The following IL1RAPL1 variants were observed in gnomAD, a reference collection of about 807,000 sequenced individuals.
IL1RAPL1 encodes interleukin 1 receptor accessory protein like 1.
In IL1RAPL1, 3 loss-of-function variants were observed where a neutral mutation model predicts 48.4. That is an observed-to-expected ratio of 0.06 (90% CI 0.03 to 0.16). IL1RAPL1 has a LOEUF of 0.16. Among genes scored for constraint, IL1RAPL1 ranks in the 10% least tolerant of loss-of-function variants. IL1RAPL1 has a pLI of 1.00. For synonymous variants in IL1RAPL1, 185 were observed against 187.7 expected, an observed-to-expected ratio of 0.99 and a Z score of 0.12; for missense variants, 349 against 530.6, an observed-to-expected ratio of 0.66 and a Z score of 3.36.
intron 7 of IL1RAPL1, among the ~76,000 whole-genome samples, chrX:29,918,460 G>A (rs1427032728): frequency 2.1e-5 from 2 of 94,091 alleles, no homozygotes; most frequent in Non-Finnish European, 2.1e-5. Flanking sequence ...AGCCGAGATC[G>A]CACCATTGCA....
At chrX:29,625,170 A>G (rs1244284706) in intron 5 of IL1RAPL1, among the ~76,000 whole-genome samples, 1 of 111,992 alleles carries the variant, frequency 8.9e-6, no homozygotes, top group Non-Finnish European at 1.9e-5. Context: ...GCCCTAATAA[A>G]TTCATTGACT....
intron 2 of IL1RAPL1, among the ~76,000 whole-genome samples, chrX:28,790,407 A>G (rs1936522811): frequency 8.9e-6 from 1 of 112,825 alleles, no homozygotes; most frequent in Admixed American, 9.4e-5. Context: ...CCATGAGGTT[A>G]AAAGGCTTCA....
At chrX:28,750,190 A>G (rs1266577645) in intron 1 of IL1RAPL1, among the ~76,000 whole-genome samples, 1 of 111,209 alleles carries the variant, frequency 9.0e-6, no homozygotes, top group Non-Finnish European at 1.9e-5. Context: ...ACCTCAAGTG[A>G]TCCATCTGCC....
chrX:28,874,581 CAT>C (rs1373423680), intron 2 of IL1RAPL1, among the ~76,000 whole-genome samples: 1 of 111,953 alleles, frequency 8.9e-6, no homozygotes, highest in African/African-American at 3.2e-5. Context: ...ATGTGAGAAC[CAT>C]ATGTTTGGTG....
chrX:28,641,720 T>C (rs1211016106), intron 1 of IL1RAPL1, among the ~76,000 whole-genome samples: 1 of 111,816 alleles, frequency 8.9e-6, no homozygotes, highest in Admixed American at 9.5e-5. Context: ...CCATATCCTT[T>C]CCAGCATCTG....
At chrX:28,750,259 T>G (rs1165501882) in intron 1 of IL1RAPL1, among the ~76,000 whole-genome samples, 1 of 111,939 alleles carries the variant, frequency 8.9e-6, no homozygotes, top group Non-Finnish European at 1.9e-5. Context: ...GCAGTATAAC[T>G]ATTATTTTTT....
At chrX:29,337,209 T>C (rs1225521200) in intron 3 of IL1RAPL1, among the ~76,000 whole-genome samples, 1 of 111,992 alleles carries the variant, frequency 8.9e-6, no homozygotes, top group Non-Finnish European at 1.9e-5. Context: ...TGCCAACATT[T>C]ATAAAATATA....
rs140319713 is a variant in IL1RAPL1, at chrX:28,617,594, C to T, written c.-25+29547C>T. ...AGAGCATGCTTGATAAATGGCAATC[C>T]TCATTGATAAAGCTCATTCAATGGA... On this transcript the variant is annotated intron_variant, in intron 1 of 10. Coordinates refer to ENST00000378993, the MANE Select transcript of IL1RAPL1 (RefSeq NM_014271.4). Among the ~76,000 whole-genome samples, 349 of 111,755 alleles carry T rather than the reference C, an allele frequency of 3.1e-3. 1 individual carries two copies. The highest frequency in any genetic ancestry group is 0.01 in the African/African-American group (322 of 30,809).
intron 6 of IL1RAPL1, among the ~76,000 whole-genome samples, chrX:29,830,336 T>C (rs1601843133): frequency 1.8e-5 from 2 of 112,066 alleles, no homozygotes; most frequent in African/African-American, 6.5e-5. Flanking sequence ...AATTTTCATA[T>C]ACTTTAACAC....
At chrX:29,230,367 A>C (rs1207140087) in intron 2 of IL1RAPL1, among the ~76,000 whole-genome samples, 1 of 108,191 alleles carries the variant, frequency 9.2e-6, no homozygotes, top group Non-Finnish European at 1.9e-5. Context: ...AATTCTGTAG[A>C]AAAATGAGTA....
chrX:28,671,433 C>T (rs1934946184), intron 1 of IL1RAPL1, among the ~76,000 whole-genome samples: 1 of 111,469 alleles, frequency 9.0e-6, no homozygotes, highest in Admixed American at 9.6e-5. Context: ...TAGAGTTTTT[C>T]CCAGTTAGCT....
intron 2 of IL1RAPL1, among the ~76,000 whole-genome samples, chrX:28,940,411 T>C (rs988876322): frequency 6.3e-5 from 7 of 111,646 alleles, no homozygotes; most frequent in African/African-American, 1.9e-4. Context: ...GATTTATCAA[T>C]AAAAGCTTAT....
intron 2 of IL1RAPL1, among the ~76,000 whole-genome samples, chrX:29,236,545 CTTTTTTTT>C (rs754996544): frequency 4.7e-4 from 30 of 63,173 alleles, no homozygotes; most frequent in East Asian, 4.2e-3. Context: ...CTTTTTTTTT[CTTTTTTTT>C]TTTTTTTTTT....
At chrX:28,763,381 G>A (rs898901460) in intron 1 of IL1RAPL1, among the ~76,000 whole-genome samples, 3 of 111,742 alleles carry the variant, frequency 2.7e-5, no homozygotes, top group Admixed American at 9.6e-5. Flanking sequence ...TCATGCATGC[G>A]GCTTTGTTGA....
In IL1RAPL1 at chrX:29,169,564, A is replaced by G. The variant is rs1006561143; in HGVS notation, c.83-113374A>G. ...AAATCTTCAGTGACTCCAAAAATAT[A>G]TGGTCATTTAGTTTTAAAAGCAATT... On this transcript the variant is annotated intron_variant, in intron 2 of 10. Coordinates refer to ENST00000378993, the MANE Select transcript of IL1RAPL1 (RefSeq NM_014271.4). Among the ~76,000 whole-genome samples the G allele has an allele frequency of 2.7e-5, 3 of 111,003 alleles. No individual in the cohort carries two copies. In the South Asian group the frequency reaches 1.1e-3, roughly 41 times the overall value.
intron 5 of IL1RAPL1, among the ~76,000 whole-genome samples, chrX:29,441,337 C>T (rs1314695239): frequency 8.9e-6 from 1 of 111,907 alleles, no homozygotes; most frequent in Non-Finnish European, 1.9e-5. Context: ...TTGATTTTTG[C>T]CTGCAGACAC....
At chrX:29,590,168 A>G (rs1293056314) in intron 5 of IL1RAPL1, among the ~76,000 whole-genome samples, 1 of 110,762 alleles carries the variant, frequency 9.0e-6, no homozygotes, top group Non-Finnish European at 1.9e-5. Flanking sequence ...CAGCAAGGGG[A>G]TGGTGCTGAA....
intron 2 of IL1RAPL1, among the ~76,000 whole-genome samples, chrX:28,919,572 C>T (rs1923568561): frequency 8.9e-6 from 1 of 111,741 alleles, no homozygotes; most frequent in South Asian, 3.7e-4. Context: ...CAGTCATTTG[C>T]ACTTGAGTAA....
chrX:29,874,026 C>T lies in IL1RAPL1; in HGVS notation c.779-43438C>T, dbSNP rs372087781. On this transcript the variant is annotated intron_variant, in intron 6 of 10. Coordinates refer to ENST00000378993, the MANE Select transcript of IL1RAPL1 (RefSeq NM_014271.4). ...TGCTCTGCACCATTATTTTCCTCTT[C>T]CCACTAATTTGCTTGCGATTCAATG... Among the ~76,000 whole-genome samples the T allele has an allele frequency of 7.1e-5, 8 of 112,368 alleles. No homozygotes were observed. The South Asian group carries it at 1.5e-3, about 21-fold the overall frequency.
Sources: allele counts gnomAD v4.1 joint callset (sites outside exome capture counted in the v4.1 genomes callset), GRCh38; gene constraint gnomAD v4.1.1; transcripts MANE v1.5; gene names NCBI Gene and HGNC (gene_info 2026-07-23, HGNC 2026-07-21).